The following LRP1B variants were observed in gnomAD, a reference collection of about 807,000 sequenced individuals.
LRP1B encodes LDL receptor related protein 1B.
LRP1B carries 217 observed loss-of-function variants against 556.6 expected under a neutral mutation model. The observed-to-expected ratio is 0.39, with a 90% CI of 0.35 to 0.44. The LOEUF (loss-of-function observed/expected upper bound fraction) is 0.44, where lower values mean the gene tolerates loss of function less well. LRP1B is among the 20% of genes least tolerant of loss of function. The pLI, the probability that LRP1B is intolerant of heterozygous loss-of-function variation, is 1.00. For synonymous variants in LRP1B, 2,047 were observed against 1,865.8 expected, an observed-to-expected ratio of 1.10 and a Z score of -2.50; for missense variants, 5,053 against 5,620.8, an observed-to-expected ratio of 0.90 and a Z score of 3.23.
intron 7 of LRP1B, among the ~76,000 whole-genome samples, chr2:141,071,701 A>G (rs1558840252): frequency 6.6e-6 from 1 of 152,166 alleles, no homozygotes; most frequent in South Asian, 2.1e-4. Flanking sequence ...GCATTCTTAT[A>G]CACCAATAAC....
chr2:142,126,489 T>A (rs976877542), intron 1 of LRP1B, among the ~76,000 whole-genome samples: 3 of 151,898 alleles, frequency 2.0e-5, no homozygotes, highest in African/African-American at 7.2e-5. Flanking sequence ...TTCCACTTAC[T>A]ACTAACTTAG....
chr2:140,788,285 C>T (rs1689979847), intron 32 of LRP1B, among the ~76,000 whole-genome samples: 1 of 152,118 alleles, frequency 6.6e-6, no homozygotes. Context: ...ACATAAATAA[C>T]TCGGAAAAAT....
At chr2:140,813,404 C>G (rs1036253240) in intron 32 of LRP1B, among the ~76,000 whole-genome samples, 2 of 152,062 alleles carry the variant, frequency 1.3e-5, no homozygotes, top group African/African-American at 4.8e-5. Flanking sequence ...TAAAATAATA[C>G]AAGTCATAGT....
At chr2:141,960,404 C>A (rs1701368661) in intron 1 of LRP1B, among the ~76,000 whole-genome samples, 1 of 151,842 alleles carries the variant, frequency 6.6e-6, no homozygotes, top group Non-Finnish European at 1.5e-5. Flanking sequence ...CCACATACTC[C>A]ATTTCCCGAC....
At chr2:141,149,805 T>C (rs770350545) in intron 7 of LRP1B, among the ~76,000 whole-genome samples, 2 of 152,080 alleles carry the variant, frequency 1.3e-5, no homozygotes, top group Non-Finnish European at 2.9e-5. Context: ...AGTGACCCTC[T>C]TAAAAAAAGA....
At chr2:140,720,950 G>T (rs1574280146) in intron 35 of LRP1B, among the ~76,000 whole-genome samples, 2 of 152,138 alleles carry the variant, frequency 1.3e-5, no homozygotes, top group East Asian at 3.9e-4. Context: ...CTAGGGCTGG[G>T]TTCTTATCAC....
chr2:140,259,485 A>G (rs1681837395), intron 86 of LRP1B, among the ~76,000 whole-genome samples: 1 of 152,026 alleles, frequency 6.6e-6, no homozygotes, highest in African/African-American at 2.4e-5. Flanking sequence ...ATAGTAAAAT[A>G]AATCATTTTT....
chr2:141,822,128 C>CAGAGAGAGAGAGAGAGAGAG (rs1364248949), intron 1 of LRP1B, among the ~76,000 whole-genome samples: 299 of 117,106 alleles, frequency 2.6e-3, no homozygotes, highest in African/African-American at 5.8e-3. Context: ...CACACACACA[C>CAGAGAGAGAGAGAGAGAGAG]ACAGAGAGAG....
In LRP1B at chr2:140,992,247, A is replaced by C. The variant is rs565731929; in HGVS notation, c.2644+1748T>G. 4.6e-5 allele frequency among the ~76,000 whole-genome samples: 7 copies of C among 152,198 alleles called. 1 individual carries two copies. The highest frequency in any genetic ancestry group is 1.4e-4 in the African/African-American group (6 of 41,566). On this transcript the variant is annotated intron_variant, in intron 16 of 90. Coordinates refer to ENST00000389484, the MANE Select transcript of LRP1B (RefSeq NM_018557.3). ...AAAAGAGTTCTCCAGGGGAAAAAAA[A>C]CACAAAAAAACCATGGCTTGGGTGA... is the stretch of plus-strand genomic sequence containing the variant.
chr2:140,239,383 T>A (rs1680852587), intron 88 of LRP1B, 59 bp downstream of exon 88: 1 of 1,056,398 alleles, frequency 9.5e-7, no homozygotes, highest in African/African-American at 1.6e-5. Flanking sequence ...AACATTATGT[T>A]TCTGCACCTA....
chr2:140,937,810 T>C (rs1342963391), intron 20 of LRP1B, among the ~76,000 whole-genome samples: 1 of 152,070 alleles, frequency 6.6e-6, no homozygotes, highest in Non-Finnish European at 1.5e-5. Context: ...GGTTTTAATT[T>C]CCTCTCTCTC....
chr2:140,615,822 T>C (rs1559007520), intron 41 of LRP1B, among the ~76,000 whole-genome samples: 1 of 152,108 alleles, frequency 6.6e-6, no homozygotes, highest in Non-Finnish European at 1.5e-5. Flanking sequence ...AACTGCTATC[T>C]TCATACTTAG....
Position 140,652,701 on chromosome 2 carries a change from C to A in LRP1B, c.6799+47549G>T, listed in dbSNP as rs2105323832. ...CCTTTCATGTACAAAAGAAAGTTAA[C>A]AATATTGTCACTTAAACAGGAGCAA... On this transcript the variant is annotated intron_variant, in intron 41 of 90. Coordinates refer to ENST00000389484, the MANE Select transcript of LRP1B (RefSeq NM_018557.3). 1.3e-5 allele frequency among the ~76,000 whole-genome samples: 2 copies of A among 152,010 alleles called. 1 individual carries two copies. The highest frequency in any genetic ancestry group is 4.1e-4 in the South Asian group (2 of 4,826).
At chr2:141,607,037 A>G (rs1000693299) in intron 2 of LRP1B, among the ~76,000 whole-genome samples, 2 of 151,132 alleles carry the variant, frequency 1.3e-5, no homozygotes, top group African/African-American at 4.9e-5. Context: ...TGTTTTCAGT[A>G]CCTTCTGTGT....
intron 3 of LRP1B, among the ~76,000 whole-genome samples, chr2:141,341,003 A>G (rs1688036871): frequency 6.6e-6 from 1 of 152,192 alleles, no homozygotes; most frequent in Non-Finnish European, 1.5e-5. Flanking sequence ...GCTCAAAATA[A>G]TCCAGTGATG....
intron 2 of LRP1B, among the ~76,000 whole-genome samples, chr2:141,639,180 C>T (rs1248795924): frequency 7.1e-6 from 1 of 140,442 alleles, no homozygotes; most frequent in Non-Finnish European, 1.5e-5. Flanking sequence ...CTTCGGGAAA[C>T]ACACTGGAGG....
intron 60 of LRP1B, among the ~76,000 whole-genome samples, chr2:140,472,333 C>T (rs768391835): frequency 6.6e-6 from 1 of 152,058 alleles, no homozygotes; most frequent in African/African-American, 2.4e-5. Context: ...CTAACTTATT[C>T]AGTAGCATGT....
intron 21 of LRP1B, among the ~76,000 whole-genome samples, chr2:140,919,638 G>A (rs1447952937): frequency 2.0e-5 from 3 of 152,016 alleles, no homozygotes; most frequent in East Asian, 1.9e-4. Flanking sequence ...ACCCAACTCA[G>A]TAAGGTACTC....
chr2:142,129,584 T>TTC (rs56034357), intron 1 of LRP1B, among the ~76,000 whole-genome samples: 1,366 of 134,652 alleles, frequency 0.01, 14 homozygotes, highest in South Asian at 0.02. Flanking sequence ...CTTTCTCTCT[T>TTC]TCTCTCTCTC....
Sources: allele counts gnomAD v4.1 joint callset (sites outside exome capture counted in the v4.1 genomes callset), GRCh38; gene constraint gnomAD v4.1.1; transcripts MANE v1.5; gene names NCBI Gene and HGNC (gene_info 2026-07-23, HGNC 2026-07-21).